Variants in GRAMD4 observed in about 807,000 individuals in gnomAD.
GRAMD4 encodes the protein GRAM domain-containing protein 4.
Under a neutral mutation model 83.9 loss-of-function variants are expected in GRAMD4, and 25 were observed. That is an observed-to-expected ratio of 0.30 (90% CI 0.22 to 0.42). The LOEUF (loss-of-function observed/expected upper bound fraction) is 0.42, where lower values mean the gene tolerates loss of function less well. Ranked by LOEUF, GRAMD4 falls within the 10% of genes least tolerant of loss-of-function variation. The pLI is 1.00. For synonymous variants in GRAMD4, 336 were observed against 320.9 expected, an observed-to-expected ratio of 1.05 and a Z score of -0.50; for missense variants, 593 against 788.7, an observed-to-expected ratio of 0.75 and a Z score of 2.97.
chr22:46,628,145 C>T (rs1414782013), intron 2 of GRAMD4, among the ~76,000 whole-genome samples: 1 of 152,238 alleles, frequency 6.6e-6, no homozygotes, highest in South Asian at 2.1e-4. Context: ...AAAAATCTCC[C>T]TCCCGACACA....
chr22:46,670,891 C>T (rs558562791), intron 13 of GRAMD4, among the ~76,000 whole-genome samples: 1 of 150,612 alleles, frequency 6.6e-6, no homozygotes, highest in Non-Finnish European at 1.5e-5. Flanking sequence ...GCGTGAGCCA[C>T]TGCGCCCGGC....
intron 1 of GRAMD4, among the ~76,000 whole-genome samples, chr22:46,611,501 G>A (rs147510671): frequency 1.3e-5 from 2 of 152,210 alleles, no homozygotes; most frequent in Non-Finnish European, 2.9e-5. Flanking sequence ...TTACCCATTT[G>A]TCAGGTGGTT....
In GRAMD4 at chr22:46,658,190, A is replaced by C; in HGVS notation, c.287A>C (p.Glu96Ala). ...IALLEKHFLQ[E>A]ELRKLREETN... ...CTGGCCGTTCTCTCCCCCATAGAGG[A>C]GGAGCTCCGGAAGCTGCGAGAAGAA... is the stretch of plus-strand genomic sequence containing the variant. The change falls in exon 4 of 19, where the codon GAG becomes GCG. Residue 96 changes from glutamate (E) to alanine (A), a missense_variant. Glu to Ala is a moderately radical substitution (Grantham distance 107). Transcript: ENST00000406902. 6.2e-7 allele frequency: 1 copy of C among 1,613,302 alleles called. No homozygotes were observed. Among genetic ancestry groups the C allele is most frequent in the Non-Finnish European group, 8.5e-7 (1 of 1,179,688 alleles).
chr22:46,661,885 C>G (rs1214237657), intron 5 of GRAMD4, among the ~76,000 whole-genome samples: 1 of 152,208 alleles, frequency 6.6e-6, no homozygotes, highest in Non-Finnish European at 1.5e-5. Context: ...GCCCTTTTAT[C>G]TCTCTCCTCG....
At chr22:46,649,041 A>G (rs988700051) in intron 3 of GRAMD4, among the ~76,000 whole-genome samples, 1 of 152,184 alleles carries the variant, frequency 6.6e-6, no homozygotes, top group Non-Finnish European at 1.5e-5. Flanking sequence ...TCTTTTGCAT[A>G]TACTTTAAGG....
chr22:46,668,972 AGTGTCTGCCAG>A (rs1384871997), intron 13 of GRAMD4, 64 bp downstream of exon 13: 2 of 878,548 alleles, frequency 2.3e-6, no homozygotes, highest in Non-Finnish European at 3.8e-6. Context: ...GCATGCCACC[AGTGTCTGCCAG>A]GTGTCTGCAA....
Position 46,663,158 on chromosome 22 carries a change from C to T in GRAMD4, c.585C>T (p.Pro195=), listed in dbSNP as rs762700376. The change falls in exon 6 of 19, where the codon CCC becomes CCT. Residue 195 remains proline (P), a synonymous_variant. Transcript: ENST00000406902. The part of the protein sequence containing the change: ...PEENTVETEE[P]LSARRLTENM... ...AGAACACTGTGGAGACAGAGGAACC[C>T]CTGAGCGCCCGCAGGTAGGGGTTCG... 4 of 1,611,418 alleles carry T rather than the reference C, an allele frequency of 2.5e-6. No homozygotes were observed. Among genetic ancestry groups the T allele is most frequent in the Non-Finnish European group, 3.4e-6 (4 of 1,179,060 alleles).
At chr22:46,643,783 A>G (rs963182112) in intron 3 of GRAMD4, among the ~76,000 whole-genome samples, 1 of 152,234 alleles carries the variant, frequency 6.6e-6, no homozygotes, top group African/African-American at 2.4e-5. Flanking sequence ...TGCCACAGAC[A>G]TGATGGCGTG....
At chr22:46,623,671 C>T (rs538259516) in intron 1 of GRAMD4, among the ~76,000 whole-genome samples, 1 of 152,264 alleles carries the variant, frequency 6.6e-6, no homozygotes, top group African/African-American at 2.4e-5. Flanking sequence ...GCTGAGATTA[C>T]AGGCATGAGC....
At position 46,623,399 on chromosome 22, in the gene GRAMD4, T is replaced by C. The variant is rs549129370; in HGVS notation, c.-50+2834T>C. Reference sequence around the variant, plus strand: ...GTTTCCTTTCTTTATTTTATTTTATTTTTTTTGACACAGAGTCTCACGCTG... The same window carrying C: ...GTTTCCTTTCTTTATTTTATTTTATCTTTTTTGACACAGAGTCTCACGCTG... On this transcript the variant is annotated intron_variant, in intron 1 of 18. Coordinates refer to ENST00000406902, the MANE Select transcript of GRAMD4 (RefSeq NM_015124.5). 1.1e-4 allele frequency among the ~76,000 whole-genome samples: 17 copies of C among 152,226 alleles called. No homozygotes were observed. In the South Asian group the frequency reaches 3.5e-3, roughly 32 times the overall value.
intron 2 of GRAMD4, among the ~76,000 whole-genome samples, chr22:46,632,013 G>A (rs530585019): frequency 6.6e-6 from 1 of 151,952 alleles, no homozygotes; most frequent in East Asian, 1.9e-4. Flanking sequence ...CCCTTACGGC[G>A]TGTGTCTTTT....
rs1302485409 is a variant in GRAMD4, at chr22:46,659,880, G to A, written c.405-1501G>A. On this transcript the variant is annotated intron_variant, in intron 4 of 18. Coordinates refer to ENST00000406902, the MANE Select transcript of GRAMD4 (RefSeq NM_015124.5). This position sits in a 1 kb window ranked among gnomAD's most constrained non-coding sequence, Gnocchi z 4.1. ...CTGGGAAAATCCACAGAAGCTCAAA[G>A]CTTAAATTACATTTAATTATGTAGA... 6.6e-6 allele frequency among the ~76,000 whole-genome samples: 1 copy of A among 152,228 alleles called. No individual in the cohort carries two copies. The highest frequency in any genetic ancestry group is 2.4e-5 in the African/African-American group (1 of 41,454).
chr22:46,636,573 G>A (rs931876384), intron 2 of GRAMD4, among the ~76,000 whole-genome samples: 4 of 152,384 alleles, frequency 2.6e-5, no homozygotes, highest in Non-Finnish European at 4.4e-5. Flanking sequence ...GTGCTGCTCC[G>A]GGTGGCCTTG....
At chr22:46,676,139 G>A (rs569740990) in intron 17 of GRAMD4, among the ~76,000 whole-genome samples, 16 of 152,294 alleles carry the variant, frequency 1.1e-4, no homozygotes, top group East Asian at 9.7e-4. Context: ...GGGCACTCCC[G>A]GCCCCACGGC....
chr22:46,657,829 G>A lies in GRAMD4; in HGVS notation c.284-358G>A, dbSNP rs142337350. Reference sequence around the variant, plus strand: ...GGTGGGCTGGCCAGGTGTGGTCAGCGTCCTTTCCGCAGGTGTCCTCAGCGT... The same window carrying A: ...GGTGGGCTGGCCAGGTGTGGTCAGCATCCTTTCCGCAGGTGTCCTCAGCGT... On this transcript the variant is annotated intron_variant, in intron 3 of 18. Transcript: ENST00000406902. Among the ~76,000 whole-genome samples, 431 of 152,348 alleles carry A rather than the reference G, an allele frequency of 2.8e-3. 3 individuals carry two copies. The highest frequency in any genetic ancestry group is 0.01 in the African/African-American group (417 of 41,586).
intron 1 of GRAMD4, among the ~76,000 whole-genome samples, chr22:46,589,921 C>T (rs1053808979): frequency 4.6e-5 from 7 of 152,200 alleles, no homozygotes; most frequent in African/African-American, 1.4e-4. Context: ...CAGCTTTCTC[C>T]CTACCCCTTC....
intron 1 of GRAMD4, among the ~76,000 whole-genome samples, chr22:46,600,823 A>AT (rs1366142466): frequency 6.6e-6 from 1 of 152,240 alleles, no homozygotes; most frequent in Non-Finnish European, 1.5e-5. Context: ...ACATGTTAAC[A>AT]TAAATAACAT....
rs774532435 is a variant in GRAMD4, at chr22:46,663,212, G to GC, written c.599+44dup. ...AGCTGGGGCTGCCTGTGCGTTAGGG[G>GC]CCCCGGTCCCTGGGCTGAGGCTGCA... On this transcript the variant is annotated intron_variant, in intron 6 of 18. Coordinates refer to ENST00000406902, the MANE Select transcript of GRAMD4 (RefSeq NM_015124.5). 52 of 1,587,692 alleles carry GC rather than the reference G, an allele frequency of 3.3e-5. No homozygotes were observed. In the East Asian group the frequency reaches 1.1e-3, roughly 35 times the overall value.
At chr22:46,616,282 G>C (rs1391065741), upstream of GRAMD4, among the ~76,000 whole-genome samples, 9 of 24,764 alleles carry the variant, frequency 3.6e-4, 4 homozygotes, top group East Asian at 0.024. Flanking sequence ...GTGTGTGCAG[G>C]TTCCCCTGTG....
Sources: gnomAD v4.1 joint callset for allele counts (sites outside exome capture counted in the v4.1 genomes callset) on GRCh38, gnomAD v4.1.1 for gene constraint, Gnocchi (gnomAD v3.1) non-coding constraint, MANE v1.5 for transcripts, NCBI Gene and HGNC (gene_info 2026-07-23, HGNC 2026-07-21) for gene names.